The following TGFBR3 variants were observed in gnomAD, a reference collection of about 807,000 sequenced individuals.
TGFBR3 encodes the protein transforming growth factor beta receptor 3.
TGFBR3 carries 46 observed loss-of-function variants against 87.9 expected under a neutral mutation model. The observed-to-expected ratio is 0.52, with a 90% CI of 0.41 to 0.67. The LOEUF (loss-of-function observed/expected upper bound fraction) is 0.67, where lower values mean the gene tolerates loss of function less well. Among genes scored for constraint, TGFBR3 ranks in the 30% least tolerant of loss-of-function variants. The probability of loss-of-function intolerance (pLI) is 0.00; values close to 1 mark genes in which losing one functional copy is unlikely to be tolerated. For synonymous variants in TGFBR3, 381 were observed against 391.6 expected (o/e 0.97, Z 0.32); for missense variants, 866 against 1,041.9 (o/e 0.83, Z 2.32).
At chr1:91,787,427 G>A (rs189616444) in intron 3 of TGFBR3, among the ~76,000 whole-genome samples, 1 of 152,280 alleles carries the variant, frequency 6.6e-6, no homozygotes, top group African/African-American at 2.4e-5. Context: ...GCTGAGACTA[G>A]CCCTGTATCT....
At chr1:91,902,117 C>T (rs1053075002) in intron 1 of TGFBR3, among the ~76,000 whole-genome samples, 7 of 152,030 alleles carry the variant, frequency 4.6e-5, no homozygotes, top group Non-Finnish European at 1.0e-4. Flanking sequence ...TATTGGAAAA[C>T]TGAGGTACAA....
rs141947000 is a variant in TGFBR3 at position 91,822,705 on chromosome 1, T to G, written c.62-25234A>C. ...ACTTTGAGAGACCAAAGCAAGGGAATCACTTGAGTCTAGGAGTTCGAGACC... is the reference window on the plus strand; with the variant it reads ...ACTTTGAGAGACCAAAGCAAGGGAAGCACTTGAGTCTAGGAGTTCGAGACC... On this transcript the variant is annotated intron_variant, in intron 2 of 16. Transcript: ENST00000212355. Among the ~76,000 whole-genome samples the G allele has an allele frequency of 7.4e-3, 1,126 of 152,216 alleles. 16 individuals carry two copies. Among genetic ancestry groups the G allele is most frequent in the African/African-American group, 0.026 (1,063 of 41,514 alleles).
chr1:91,853,908 C>A (rs1677840047), intron 2 of TGFBR3, among the ~76,000 whole-genome samples: 1 of 152,008 alleles, frequency 6.6e-6, no homozygotes. Context: ...AGTCAGGAGG[C>A]CAAGGCAGGA....
intron 3 of TGFBR3, among the ~76,000 whole-genome samples, chr1:91,774,371 A>C (rs1674493763): frequency 6.6e-6 from 1 of 152,110 alleles, no homozygotes; most frequent in African/African-American, 2.4e-5. Context: ...CCTGGCCTCA[A>C]GTGATCCACC....
At chr1:91,779,390 A>C (rs548553696) in intron 3 of TGFBR3, among the ~76,000 whole-genome samples, 2 of 152,336 alleles carry the variant, frequency 1.3e-5, no homozygotes, top group African/African-American at 4.8e-5. Context: ...AAAGAAGTTA[A>C]CTGACTTGCC....
At chr1:91,861,812 G>T (rs1224498110) in intron 1 of TGFBR3, 168 bp from the exon 2 acceptor site, 5 of 357,578 alleles carry the variant, frequency 1.4e-5, no homozygotes, top group East Asian at 6.2e-5. Context: ...ATCTAATAAA[G>T]ATTTTTATAG....
intron 3 of TGFBR3, among the ~76,000 whole-genome samples, chr1:91,779,131 TA>T (rs1305711106): frequency 1.3e-5 from 2 of 152,162 alleles, no homozygotes; most frequent in Non-Finnish European, 2.9e-5. Context: ...CATTGAAATG[TA>T]AAAAACCATG....
intron 3 of TGFBR3, among the ~76,000 whole-genome samples, chr1:91,792,266 G>C (rs573243015): frequency 2.0e-4 from 30 of 152,162 alleles, no homozygotes; most frequent in Non-Finnish European, 4.0e-4. Context: ...GTTGCTGGAG[G>C]CTCATCCCAA....
intron 3 of TGFBR3, among the ~76,000 whole-genome samples, chr1:91,777,065 C>T (rs1442139908): frequency 6.6e-6 from 1 of 152,196 alleles, no homozygotes; most frequent in African/African-American, 2.4e-5. Context: ...GTGCTCGCTG[C>T]CTTTCCTCCC....
At chr1:91,818,278 CTTTTTTTTTTTTT>C (rs760050197) in intron 2 of TGFBR3, among the ~76,000 whole-genome samples, 2 of 32,466 alleles carry the variant, frequency 6.2e-5, no homozygotes, top group African/African-American at 2.0e-4. Flanking sequence ...TAGCCCCAGC[CTTTTTTTTTTTTT>C]TTTTTTTTTT....
chr1:91,682,501 A>T lies in TGFBR3; in HGVS notation c.*1238T>A. ...ATTCCATTTAATGAAATTCACCTCA[A>T]GCCCTTTTTGACATATTAAATATAT... On this transcript the variant is annotated 3_prime_UTR_variant, in exon 17 of 17. Transcript: ENST00000212355. The T allele has an allele frequency of 2.2e-6, 1 of 452,366 alleles. No individual in the cohort carries two copies. Among genetic ancestry groups the T allele is most frequent in the South Asian group, 1.6e-5 (1 of 64,394 alleles). 28.0% of individuals were successfully genotyped at this position (452,366 alleles called of 1,614,324 possible).
chr1:91,832,286 G>C (rs557779772), intron 2 of TGFBR3, among the ~76,000 whole-genome samples: 1 of 152,130 alleles, frequency 6.6e-6, no homozygotes, highest in Non-Finnish European at 1.5e-5. Flanking sequence ...AAATGAGAGA[G>C]AGCTTTGCAA....
intron 4 of TGFBR3, among the ~76,000 whole-genome samples, chr1:91,750,655 T>C (rs909031908): frequency 1.1e-4 from 16 of 152,166 alleles, no homozygotes; most frequent in African/African-American, 3.9e-4. Flanking sequence ...CCAGCAATCT[T>C]GAAACATTTA....
intron 2 of TGFBR3, among the ~76,000 whole-genome samples, chr1:91,800,702 CAA>C (rs60115331): frequency 7.4e-6 from 1 of 135,470 alleles, no homozygotes; most frequent in African/African-American, 2.7e-5. Context: ...ACCAAAAAGA[CAA>C]AAAAAAAAAA....
At chr1:91,818,276 GCCTTTTTTTTTTTTTTTTTTTTT>G (rs1676309075) in intron 2 of TGFBR3, among the ~76,000 whole-genome samples, 1 of 22,592 alleles carries the variant, frequency 4.4e-5, no homozygotes, top group Non-Finnish European at 1.1e-4. Context: ...CTTAGCCCCA[GCCTTTTTTTTTTTTTTTTTTTTT>G]TTTTTTTTTT....
At chr1:91,847,960 A>G (rs1677569812) in intron 2 of TGFBR3, among the ~76,000 whole-genome samples, 1 of 152,108 alleles carries the variant, frequency 6.6e-6, no homozygotes, top group African/African-American at 2.4e-5. Context: ...TTCTTTAACA[A>G]CTGTTAGGAT....
At chr1:91,824,570 C>T (rs1442786630) in intron 2 of TGFBR3, among the ~76,000 whole-genome samples, 1 of 152,196 alleles carries the variant, frequency 6.6e-6, no homozygotes, top group African/African-American at 2.4e-5. Context: ...TACCATTACA[C>T]ACCCACTAGG....
At chr1:91,711,837 T>A (rs10782997) in intron 13 of TGFBR3, among the ~76,000 whole-genome samples, 56,891 of 152,038 alleles carry the variant, frequency 0.37, 11,088 homozygotes, top group Non-Finnish European at 0.44. Flanking sequence ...CAACCTTATA[T>A]TTCACACAGA....
At chr1:91,774,220 C>A (rs1407709128) in intron 3 of TGFBR3, among the ~76,000 whole-genome samples, 3 of 152,078 alleles carry the variant, frequency 2.0e-5, no homozygotes, top group African/African-American at 7.2e-5. Context: ...TCACTGCAAC[C>A]TCTGCTTCCC....
Sources: gnomAD v4.1 joint callset for allele counts (sites outside exome capture counted in the v4.1 genomes callset) on GRCh38, gnomAD v4.1.1 for gene constraint, MANE v1.5 for transcripts, NCBI Gene and HGNC (gene_info 2026-07-23, HGNC 2026-07-21) for gene names.